The following RAB11A variants were observed in gnomAD, a reference collection of about 807,000 sequenced individuals.
The protein encoded by RAB11A is RAB11A, member RAS oncogene family.
Under a neutral mutation model 28.0 loss-of-function variants are expected in RAB11A, and 9 were observed. That is an observed-to-expected ratio of 0.32 (90% CI 0.19 to 0.56). RAB11A has a LOEUF of 0.56. RAB11A is among the 20% of genes least tolerant of loss of function. RAB11A has a pLI of 0.91. For synonymous variants in RAB11A, 85 were observed against 88.2 expected, an observed-to-expected ratio of 0.96 and a Z score of 0.20; for missense variants, 108 against 269.6, an observed-to-expected ratio of 0.40 and a Z score of 4.20.
chr15:65,875,604 C>T (rs2078187076), intron 1 of RAB11A, among the ~76,000 whole-genome samples: 1 of 152,202 alleles, frequency 6.6e-6, no homozygotes, highest in Admixed American at 6.5e-5. Flanking sequence ...TTAGAAATAA[C>T]CATTCTTTGT....
intron 4 of RAB11A, among the ~76,000 whole-genome samples, chr15:65,886,582 A>C (rs952559684): frequency 6.6e-6 from 1 of 152,236 alleles, no homozygotes; most frequent in Non-Finnish European, 1.5e-5. Context: ...GTAAACAAAA[A>C]TAAGGTACAT....
chr15:65,887,175 C>A (rs573933072), intron 4 of RAB11A, among the ~76,000 whole-genome samples: 74 of 143,544 alleles, frequency 5.2e-4, no homozygotes, highest in Non-Finnish European at 9.7e-4. Context: ...ATTGGCTTAC[C>A]TCTTTTTTTT....
At position 65,889,248 on chromosome 15, in the gene RAB11A, G is replaced by T. The variant is rs1057276344; in HGVS notation, c.*1408G>T. 2.6e-5 allele frequency: 4 copies of T among 152,304 alleles called. No individual in the cohort carries two copies. Among genetic ancestry groups the T allele is most frequent in the South Asian group, 2.1e-4 (1 of 4,832 alleles). The allele number at this position is 152,304 out of a possible 1,614,324, so 9.4% of individuals were successfully genotyped here. ...TTGTCTCTTGCGGTGCTCATGATGT[G>T]TGGGGCACACGGAAGGCATTGCTGT... On this transcript the variant is annotated 3_prime_UTR_variant, in exon 5 of 5. Transcript: ENST00000261890.
intron 1 of RAB11A, among the ~76,000 whole-genome samples, chr15:65,870,352 C>T (rs1031561284): frequency 2.0e-5 from 3 of 152,254 alleles, no homozygotes; most frequent in Admixed American, 6.5e-5. Context: ...CCCTTGTCTC[C>T]GTTGCGACCT....
chr15:65,869,612 C>T lies in RAB11A; in HGVS notation c.27C>T (p.Asp9=), dbSNP rs2078145304. 6.2e-7 allele frequency: 1 copy of T among 1,611,920 alleles called. No homozygotes were observed. The highest frequency in any genetic ancestry group is 8.5e-7 in the Non-Finnish European group (1 of 1,179,928). The change falls in exon 1 of 5, where the codon GAC becomes GAT. Residue 9 remains aspartate (D), a synonymous_variant. Coordinates refer to ENST00000261890, the MANE Select transcript of RAB11A (RefSeq NM_004663.5). The part of the protein sequence containing the change: MGTRDDEY[D]YLFKVVLIGD... Reference sequence around the variant, plus strand: ...TGGGCACCCGCGACGACGAGTACGACTACCTCTTTAAAGGTGAGGCCATGG... The same window carrying T: ...TGGGCACCCGCGACGACGAGTACGATTACCTCTTTAAAGGTGAGGCCATGG...
At chr15:65,874,854 C>T (rs1441189529) in intron 1 of RAB11A, among the ~76,000 whole-genome samples, 1 of 151,956 alleles carries the variant, frequency 6.6e-6, no homozygotes, top group African/African-American at 2.4e-5. Flanking sequence ...GAGACCCAGC[C>T]TGGGCAACAT....
Position 65,877,907 on chromosome 15 carries a change from C to T in RAB11A, c.382C>T (p.Leu128=), listed in dbSNP as rs1378332058. The T allele has an allele frequency of 1.2e-6, 2 of 1,613,844 alleles. No homozygotes were observed. Residue 128 remains leucine (L), a synonymous_variant, in exon 3 of 5, where the codon CTA becomes TTA. Coordinates refer to ENST00000261890, the MANE Select transcript of RAB11A (RefSeq NM_004663.5). The surrounding 1 kb of genome is among the most constrained non-coding windows in gnomAD (Gnocchi z 4.1). Reference sequence around the variant, plus strand: ...CATGCTTGTGGGCAATAAGAGTGATCTACGTCATCTCAGGGCAGTTCCTAC... The same window carrying T: ...CATGCTTGTGGGCAATAAGAGTGATTTACGTCATCTCAGGGCAGTTCCTAC... ...VIMLVGNKSD[L]RHLRAVPTDE... is the part of the protein sequence containing the mutation.
In RAB11A at chr15:65,891,690, C is replaced by T. The variant is rs892894242; in HGVS notation, c.*3850C>T. On this transcript the variant is annotated 3_prime_UTR_variant, in exon 5 of 5. Coordinates refer to ENST00000261890, the MANE Select transcript of RAB11A (RefSeq NM_004663.5). ...TAGAGAAGTCAAAATGAGGTATGCA[C>T]TTTGTGGAATGTTTTTGGTCTTATC... The T allele has an allele frequency of 6.6e-6, 1 of 152,182 alleles. No individual in the cohort carries two copies. Among genetic ancestry groups the T allele is most frequent in the Admixed American group, 6.5e-5 (1 of 15,276 alleles). 9.4% of individuals were successfully genotyped at this position (152,182 alleles called of 1,614,324 possible).
intron 1 of RAB11A, among the ~76,000 whole-genome samples, chr15:65,873,535 TTATATCTATATC>T (rs368765480): frequency 9.9e-5 from 15 of 152,130 alleles, no homozygotes. Flanking sequence ...ATTGTATGCA[TTATATCTATATC>T]TATATCTATA....
rs757325109 is a variant in RAB11A at position 65,877,534 on chromosome 15, C to T, written c.236+7C>T. Reference sequence around the variant, plus strand: ...ATCGAGCTATAACATCAGCGTAAGTCTCATGGTTTTTAAGTTCTGTGAAAT... The same window carrying T: ...ATCGAGCTATAACATCAGCGTAAGTTTCATGGTTTTTAAGTTCTGTGAAAT... On this transcript the variant is annotated splice_region_variant and intron_variant, in intron 2 of 4. Transcript: ENST00000261890. This position sits in a 1 kb window ranked among gnomAD's most constrained non-coding sequence, Gnocchi z 4.1. 4 of 1,606,476 alleles carry T rather than the reference C, an allele frequency of 2.5e-6. No homozygotes were observed. The East Asian group carries it at 8.9e-5, about 36-fold the overall frequency.
chr15:65,880,067 A>G (rs1169337146), intron 4 of RAB11A, among the ~76,000 whole-genome samples: 1 of 152,230 alleles, frequency 6.6e-6, no homozygotes, highest in Non-Finnish European at 1.5e-5. Flanking sequence ...TGAGGTAAAT[A>G]TTGAGATCCC....
At chr15:65,887,171 T>C (rs765515003) in intron 4 of RAB11A, among the ~76,000 whole-genome samples, 2 of 150,028 alleles carry the variant, frequency 1.3e-5, no homozygotes, top group Non-Finnish European at 2.9e-5. Context: ...TGCTATTGGC[T>C]TACCTCTTTT....
At chr15:65,885,417 C>T (rs1169675310) in intron 4 of RAB11A, among the ~76,000 whole-genome samples, 1 of 152,126 alleles carries the variant, frequency 6.6e-6, no homozygotes, top group Admixed American at 6.5e-5. Context: ...TGAGCCACCT[C>T]GCTTGGCCCA....
intron 4 of RAB11A, among the ~76,000 whole-genome samples, chr15:65,881,847 A>C (rs2078224384): frequency 1.4e-5 from 2 of 147,564 alleles, no homozygotes; most frequent in African/African-American, 5.0e-5. Flanking sequence ...GTTCAAGACC[A>C]GCCTGGGCAA....
At chr15:65,881,998 C>G (rs1293638284) in intron 4 of RAB11A, among the ~76,000 whole-genome samples, 2 of 151,794 alleles carry the variant, frequency 1.3e-5, no homozygotes, top group African/African-American at 4.8e-5. Flanking sequence ...CTGCAATGAG[C>G]CGAGATCATG....
Position 65,889,293 on chromosome 15 carries a change from C to T in RAB11A, c.*1453C>T, listed in dbSNP as rs1188293092. ...TGCTGTAGTCAGTCATTTTGGTTTT[C>T]TTCTATAGCCATTTTATTATTTTAG... On this transcript the variant is annotated 3_prime_UTR_variant, in exon 5 of 5. Transcript: ENST00000261890. The T allele has an allele frequency of 6.6e-6, 1 of 152,174 alleles. No individual in the cohort carries two copies. The highest frequency in any genetic ancestry group is 2.4e-5 in the African/African-American group (1 of 41,434). 9.4% of individuals were successfully genotyped at this position (152,174 alleles called of 1,614,324 possible).
At position 65,888,001 on chromosome 15, in the gene RAB11A, C is replaced by T; in HGVS notation, c.*161C>T. 1 of 734,484 alleles carries T rather than the reference C, an allele frequency of 1.4e-6. No homozygotes were observed. Among genetic ancestry groups the T allele is most frequent in the Middle Eastern group, 4.3e-4 (1 of 2,300 alleles). The allele number at this position is 734,484 out of a possible 1,614,324, so 45.5% of individuals were successfully genotyped here. A position where few individuals can be genotyped will look rare whatever the true frequency, so the allele number is the denominator to read the frequency against. Reference sequence around the variant, plus strand: ...TTGATTTTAGCTTTATAAAATCATCCACTTGTCCCGAATGACTGCAGCTTT... The same window carrying T: ...TTGATTTTAGCTTTATAAAATCATCTACTTGTCCCGAATGACTGCAGCTTT... On this transcript the variant is annotated 3_prime_UTR_variant, in exon 5 of 5. Transcript: ENST00000261890.
chr15:65,885,634 T>G (rs2078251716), intron 4 of RAB11A, among the ~76,000 whole-genome samples: 1 of 152,090 alleles, frequency 6.6e-6, no homozygotes, highest in Non-Finnish European at 1.5e-5. Context: ...GTCCAAACGA[T>G]AGGTAGAGGT....
At position 65,891,753 on chromosome 15, in the gene RAB11A, T is replaced by C. The variant is rs964264240; in HGVS notation, c.*3913T>C. The stretch of plus-strand genomic sequence containing the variant: ...TTAAAATGGTGCCTTTATTTCCATG[T>C]TTACTCCTTTAAATAAGATGAAAGC... On this transcript the variant is annotated 3_prime_UTR_variant, in exon 5 of 5. Transcript: ENST00000261890. 4 of 152,218 alleles carry C rather than the reference T, an allele frequency of 2.6e-5. No individual in the cohort carries two copies. The East Asian group carries it at 7.7e-4, about 29-fold the overall frequency. 9.4% of individuals were successfully genotyped at this position (152,218 alleles called of 1,614,324 possible). A position where few individuals can be genotyped will look rare whatever the true frequency, so the allele number is the denominator to read the frequency against.
Sources: gnomAD v4.1 joint callset for allele counts (sites outside exome capture counted in the v4.1 genomes callset) on GRCh38, gnomAD v4.1.1 for gene constraint, Gnocchi (gnomAD v3.1) non-coding constraint, MANE v1.5 for transcripts, NCBI Gene and HGNC (gene_info 2026-07-23, HGNC 2026-07-21) for gene names.